The following SLCO3A1 variants were observed in gnomAD, a reference collection of about 807,000 sequenced individuals.
SLCO3A1 encodes PGE1 transporter.
Under a neutral mutation model 63.1 loss-of-function variants are expected in SLCO3A1, and 27 were observed. That is an observed-to-expected ratio of 0.43 (90% confidence interval 0.32 to 0.59). The LOEUF (loss-of-function observed/expected upper bound fraction) is 0.59, where lower values mean the gene tolerates loss of function less well. Ranked by LOEUF, SLCO3A1 falls within the 20% of genes least tolerant of loss-of-function variation. The pLI is 0.09. For missense variants in SLCO3A1, 773 were observed against 945.8 expected (o/e 0.82, Z 2.40); for synonymous variants, 473 against 409.9 (o/e 1.15, Z -1.86).
chr15:92,152,050 G>A (rs1355411079), intron 9 of SLCO3A1, among the ~76,000 whole-genome samples: 2 of 152,110 alleles, frequency 1.3e-5, no homozygotes, highest in African/African-American at 2.4e-5. Flanking sequence ...ATGGGGGAAG[G>A]GGAAAAACAG....
chr15:91,909,654 G>A (rs970271778), intron 1 of SLCO3A1, among the ~76,000 whole-genome samples: 2 of 152,282 alleles, frequency 1.3e-5, no homozygotes, highest in Admixed American at 6.5e-5. Context: ...TCAGCAGAAG[G>A]ACTTTAAAAT....
In SLCO3A1 at chr15:92,098,378, G is replaced by A. The variant is rs747149150; in HGVS notation, c.745+3399G>A. 1.8e-4 allele frequency among the ~76,000 whole-genome samples: 27 copies of A among 152,314 alleles called. 1 individual carries two copies. In the South Asian group the frequency reaches 4.1e-3, roughly 23 times the overall value. ...TGCTGCCTTTCATCCATGTTTGATCGCTACGTGGTTCCCTTTGCTCCTCAG... is the reference window on the plus strand; with the variant it reads ...TGCTGCCTTTCATCCATGTTTGATCACTACGTGGTTCCCTTTGCTCCTCAG... On this transcript the variant is annotated intron_variant, in intron 3 of 9. Transcript: ENST00000318445.
chr15:92,000,570 T>G (rs2046242034), intron 2 of SLCO3A1, among the ~76,000 whole-genome samples: 1 of 152,132 alleles, frequency 6.6e-6, no homozygotes, highest in Non-Finnish European at 1.5e-5. Flanking sequence ...ATAAGAGACC[T>G]AAAGGCAATG....
At chr15:92,016,251 AGATTAGAT>A (rs1271000844) in intron 2 of SLCO3A1, among the ~76,000 whole-genome samples, 4 of 52,180 alleles carry the variant, frequency 7.7e-5, no homozygotes, top group Non-Finnish European at 1.3e-4. Flanking sequence ...ATAGATAGAT[AGATTAGAT>A]AGATAGATAG....
intron 1 of SLCO3A1, among the ~76,000 whole-genome samples, chr15:91,899,217 T>A (rs1204577824): frequency 6.6e-6 from 1 of 152,192 alleles, no homozygotes; most frequent in Non-Finnish European, 1.5e-5. Flanking sequence ...GTCTGTAACC[T>A]CTGATGTAGA....
At chr15:91,945,098 C>T (rs1386543397) in intron 2 of SLCO3A1, among the ~76,000 whole-genome samples, 3 of 152,170 alleles carry the variant, frequency 2.0e-5, no homozygotes, top group Non-Finnish European at 2.9e-5. Context: ...GTAATCCCAG[C>T]ACTTTGGGAG....
intron 6 of SLCO3A1, 128 bp from the exon 7 acceptor site, chr15:92,128,223 C>T (rs1567134409): frequency 8.9e-7 from 1 of 1,123,370 alleles, no homozygotes; most frequent in Non-Finnish European, 1.3e-6. Context: ...GAAGGGAGAA[C>T]CAGGTAACAA....
chr15:91,937,544 C>A (rs964842711), intron 2 of SLCO3A1, among the ~76,000 whole-genome samples: 1 of 151,926 alleles, frequency 6.6e-6, no homozygotes, highest in Non-Finnish European at 1.5e-5. Context: ...ATAGTGAAAC[C>A]CCATCTCTAC....
intron 1 of SLCO3A1, among the ~76,000 whole-genome samples, chr15:91,868,354 CTTTTTTTTTTT>C (rs72068160): frequency 9.5e-6 from 1 of 104,908 alleles, no homozygotes; most frequent in African/African-American, 3.6e-5. Context: ...ACCCAGCCGG[CTTTTTTTTTTT>C]TTTTTTTTTA....
At chr15:91,953,164 C>T (rs1264109765) in intron 2 of SLCO3A1, among the ~76,000 whole-genome samples, 1 of 152,156 alleles carries the variant, frequency 6.6e-6, no homozygotes, top group African/African-American at 2.4e-5. Context: ...GCAGAGGAAA[C>T]ATCTATATAT....
At chr15:92,075,049 C>G (rs1193046203) in intron 2 of SLCO3A1, among the ~76,000 whole-genome samples, 4 of 152,168 alleles carry the variant, frequency 2.6e-5, no homozygotes, top group South Asian at 2.1e-4. Flanking sequence ...ACCCTGATAC[C>G]TGGGCACTTG....
rs1900744758 is a variant in SLCO3A1, at chr15:91,968,623, C to T, written c.646+52165C>T. Among the ~76,000 whole-genome samples, 1 of 152,126 alleles carries T rather than the reference C, an allele frequency of 6.6e-6. No individual in the cohort carries two copies. The highest frequency in any genetic ancestry group is 1.9e-4 in the East Asian group (1 of 5,178). On this transcript the variant is annotated intron_variant, in intron 2 of 9. Transcript: ENST00000318445. The surrounding 1 kb of genome is among the most constrained non-coding windows in gnomAD (Gnocchi z 4.2). ...GAGAAGAAGCCAGGGTAGAAACAAG[C>T]GACCCCTGCTTCCATGTGAAGCTTC... is the stretch of plus-strand genomic sequence containing the variant.
chr15:91,879,898 T>G (rs1897510836), intron 1 of SLCO3A1, among the ~76,000 whole-genome samples: 1 of 152,114 alleles, frequency 6.6e-6, no homozygotes, highest in Non-Finnish European at 1.5e-5. Flanking sequence ...GACAGAGATT[T>G]TATGTAAGGA....
At chr15:92,016,256 A>AGATT in intron 2 of SLCO3A1, among the ~76,000 whole-genome samples, 2 of 101,082 alleles carry the variant, frequency 2.0e-5, no homozygotes, top group Non-Finnish European at 3.6e-5. Context: ...TAGATAGATT[A>AGATT]GATAGATAGA....
intron 7 of SLCO3A1, among the ~76,000 whole-genome samples, chr15:92,137,228 G>T: frequency 7.9e-6 from 1 of 126,226 alleles, no homozygotes; most frequent in African/African-American, 3.6e-5. Context: ...GCTGTGTTTG[G>T]TTTTTTGTTC....
chr15:91,975,344 C>T (rs1322938342), intron 2 of SLCO3A1, among the ~76,000 whole-genome samples: 1 of 152,212 alleles, frequency 6.6e-6, no homozygotes, highest in African/African-American at 2.4e-5. Context: ...CCCCCTTGTC[C>T]CAAGCCTGTC....
At chr15:92,150,329 A>C (rs1264734978) in intron 8 of SLCO3A1, among the ~76,000 whole-genome samples, 1 of 152,156 alleles carries the variant, frequency 6.6e-6, no homozygotes, top group Non-Finnish European at 1.5e-5. Flanking sequence ...TGACTCACTC[A>C]AATGTTAATC....
At chr15:92,102,646 C>T (rs2047620032) in intron 3 of SLCO3A1, among the ~76,000 whole-genome samples, 1 of 152,196 alleles carries the variant, frequency 6.6e-6, no homozygotes, top group South Asian at 2.1e-4. Context: ...ACATCTGGTC[C>T]ATTGTAGTGC....
intron 2 of SLCO3A1, among the ~76,000 whole-genome samples, chr15:91,963,190 C>T (rs987907462): frequency 1.3e-5 from 2 of 152,080 alleles, no homozygotes. Flanking sequence ...TGTCGTGCTT[C>T]GAGGCCCGGG....
Sources: allele counts gnomAD v4.1 joint callset (sites outside exome capture counted in the v4.1 genomes callset), GRCh38; gene constraint gnomAD v4.1.1; non-coding constraint Gnocchi (gnomAD v3.1); transcripts MANE v1.5; gene names NCBI Gene and HGNC (gene_info 2026-07-23, HGNC 2026-07-21).